Variants in GFRA2 observed in about 807,000 individuals in gnomAD.
GFRA2 encodes GDNF family receptor alpha-2.
A neutral mutation model predicts 48.3 loss-of-function variants in GFRA2; 17 were observed. That is an observed-to-expected ratio of 0.35 (90% confidence interval 0.24 to 0.53). The LOEUF (loss-of-function observed/expected upper bound fraction) is 0.53. Ranked by LOEUF, GFRA2 falls within the 20% of genes least tolerant of loss-of-function variation. The pLI is 0.93. For missense variants in GFRA2, 660 were observed against 637.3 expected (o/e 1.04, Z -0.38); for synonymous variants, 305 against 257.2 (o/e 1.19, Z -1.78).
At chr8:21,710,435 G>T (rs1205826307) in intron 4 of GFRA2, among the ~76,000 whole-genome samples, 1 of 152,184 alleles carries the variant, frequency 6.6e-6, no homozygotes, top group Non-Finnish European at 1.5e-5. Flanking sequence ...GTGGATCTCG[G>T]TCCCACACAG....
At chr8:21,760,858 A>G (rs908157746) in intron 3 of GFRA2, among the ~76,000 whole-genome samples, 9 of 152,230 alleles carry the variant, frequency 5.9e-5, no homozygotes, top group Non-Finnish European at 1.2e-4. Context: ...TGGTGGAAAA[A>G]TCAAGAGATG....
At chr8:21,754,584 C>A (rs1012598158) in intron 3 of GFRA2, among the ~76,000 whole-genome samples, 12 of 149,306 alleles carry the variant, frequency 8.0e-5, no homozygotes, top group Non-Finnish European at 1.8e-4. Context: ...TCGCGGCTCA[C>A]TGCAACCTCT....
chr8:21,707,099 G>C (rs1802786087), intron 4 of GFRA2, among the ~76,000 whole-genome samples: 1 of 152,202 alleles, frequency 6.6e-6, no homozygotes, highest in South Asian at 2.1e-4. Context: ...CAAATAGCTA[G>C]TAATAAGGTC....
chr8:21,704,241 T>C (rs1336921229), intron 6 of GFRA2, among the ~76,000 whole-genome samples: 1 of 152,204 alleles, frequency 6.6e-6, no homozygotes. Flanking sequence ...CACAGATACA[T>C]TCTCCAAGAA....
chr8:21,714,712 A>T (rs990369932), intron 4 of GFRA2, among the ~76,000 whole-genome samples: 1 of 152,166 alleles, frequency 6.6e-6, no homozygotes, highest in Admixed American at 6.5e-5. Flanking sequence ...ACGAAGTAGC[A>T]TATTTCACAA....
At chr8:21,807,925 T>C (rs1807902791) in intron 1 of GFRA2, among the ~76,000 whole-genome samples, 1 of 152,248 alleles carries the variant, frequency 6.6e-6, no homozygotes, top group Non-Finnish European at 1.5e-5. Flanking sequence ...GAAAAATTAC[T>C]ATGCAGATGC....
chr8:21,703,665 C>G lies in GFRA2; in HGVS notation c.1046-688G>C, dbSNP rs181116538. 1.9e-3 allele frequency among the ~76,000 whole-genome samples: 288 copies of G among 152,308 alleles called. 5 individuals are homozygous for G. The highest frequency in any genetic ancestry group is 5.4e-4 in the Non-Finnish European group (37 of 68,026). ...GGTATCATCTCTTATCTACCCTGGT[C>G]CCCCATGTCAGAATCCTGAGGGTCA... On this transcript the variant is annotated intron_variant, in intron 6 of 8. Transcript: ENST00000524240.
chr8:21,789,610 C>G (rs1216219620), upstream of GFRA2, among the ~76,000 whole-genome samples: 3 of 152,126 alleles, frequency 2.0e-5, no homozygotes, highest in African/African-American at 2.4e-5. Context: ...GCGCCGGCCC[C>G]GCGCGCCCCC....
intron 2 of GFRA2, chr8:21,779,843 C>A (rs1440138834): frequency 6.6e-6 from 1 of 152,188 alleles, no homozygotes; most frequent in Non-Finnish European, 1.5e-5. Context: ...TGGCTTCGCA[C>A]CTGCAGCCAC....
intron 4 of GFRA2, among the ~76,000 whole-genome samples, chr8:21,744,225 A>G (rs1226847065): frequency 1.3e-5 from 2 of 151,942 alleles, no homozygotes; most frequent in South Asian, 2.1e-4. Context: ...ACTCCTTCCC[A>G]CCCCCTGAGG....
At chr8:21,762,169 A>T (rs1805945382) in intron 3 of GFRA2, among the ~76,000 whole-genome samples, 1 of 152,058 alleles carries the variant, frequency 6.6e-6, no homozygotes, top group Non-Finnish European at 1.5e-5. Flanking sequence ...CTCCATCCCA[A>T]GCAAGATCTC....
chr8:21,700,333 G>A (rs566213577), intron 7 of GFRA2, among the ~76,000 whole-genome samples: 1 of 152,354 alleles, frequency 6.6e-6, no homozygotes, highest in Non-Finnish European at 1.5e-5. Context: ...CAGGGAGGCA[G>A]GGCTGCCCAG....
At chr8:21,752,966 C>A (rs367674340) in intron 3 of GFRA2, among the ~76,000 whole-genome samples, 1 of 152,152 alleles carries the variant, frequency 6.6e-6, no homozygotes. Flanking sequence ...CTGTTAAGAG[C>A]CTCCTTCTCC....
In GFRA2 at chr8:21,782,891, G is replaced by C. The variant is rs953837133; in HGVS notation, c.49C>G (p.Leu17Val). The C allele has an allele frequency of 5.8e-6, 9 of 1,555,846 alleles. No individual in the cohort carries two copies. In the East Asian group the frequency reaches 1.9e-4, roughly 33 times the overall value. ...FCLFFFLDET[L>V]RSLASPSSLQ... ...GAGGAAGGGCTGGCCAAAGAGCGGA[G>C]GGTCTCGTCTGGGTGGTGGGGAGGG... The change falls in exon 2 of 9, where the codon CTC (leucine) becomes GTC (valine). Residue 17 changes from leucine (L) to valine (V), a missense_variant. Physicochemically the swap from Leu to Val is conservative, Grantham distance 32. Coordinates refer to ENST00000524240, the MANE Select transcript of GFRA2 (RefSeq NM_001495.5).
intron 4 of GFRA2, among the ~76,000 whole-genome samples, chr8:21,722,866 G>A (rs1031208531): frequency 2.6e-5 from 4 of 152,248 alleles, no homozygotes; most frequent in Non-Finnish European, 4.4e-5. Context: ...CATGTAGGCA[G>A]TGCATGCACC....
At chr8:21,748,020 A>G (rs1374728763) in intron 4 of GFRA2, among the ~76,000 whole-genome samples, 1 of 152,008 alleles carries the variant, frequency 6.6e-6, no homozygotes, top group Non-Finnish European at 1.5e-5. Context: ...TCCAAGCCTT[A>G]TCACTTAAAC....
Position 21,693,371 on chromosome 8 carries a change from G to C in GFRA2, c.1302C>G (p.Asn434Lys), listed in dbSNP as rs538741073. The change falls in exon 9 of 9, where the codon AAC (asparagine) becomes AAG (lysine). Residue 434 changes from asparagine (N) to lysine (K), a missense_variant. By Grantham distance (94) the Asn-to-Lys change is moderately conservative. Coordinates refer to ENST00000524240, the MANE Select transcript of GFRA2 (RefSeq NM_001495.5). ...ELTTNIIPGS[N>K]KVIKPNSGPS... The stretch of plus-strand genomic sequence containing the variant: ...GGCCTGAGTTAGGTTTGATCACCTT[G>C]TTACTCCCTGGGATGATATTTGTCG... The C allele has an allele frequency of 5.4e-5, 87 of 1,612,796 alleles. 1 individual carries two copies. The South Asian group carries it at 9.5e-4, about 18-fold the overall frequency.
chr8:21,694,758 C>T lies in GFRA2; in HGVS notation c.1219-241G>A, dbSNP rs1036129212. 5.3e-5 allele frequency among the ~76,000 whole-genome samples: 8 copies of T among 152,230 alleles called. No individual in the cohort carries two copies. The East Asian group carries it at 9.6e-4, about 18-fold the overall frequency. On this transcript the variant is annotated intron_variant, in intron 7 of 8. Coordinates refer to ENST00000524240, the MANE Select transcript of GFRA2 (RefSeq NM_001495.5). ...GGAGAACAGAGTTCTAACTCTGCTC[C>T]CAACTAGCGGCATTATATAGTCATC...
intron 7 of GFRA2, among the ~76,000 whole-genome samples, chr8:21,696,982 G>C (rs1166430000): frequency 1.5e-5 from 2 of 131,292 alleles, no homozygotes; most frequent in Non-Finnish European, 3.3e-5. Flanking sequence ...ACAAAGGAGA[G>C]GGCAGGGGAG....
Sources: gnomAD v4.1 joint callset for allele counts (sites outside exome capture counted in the v4.1 genomes callset) on GRCh38, gnomAD v4.1.1 for gene constraint, MANE v1.5 for transcripts, NCBI Gene and HGNC (gene_info 2026-07-23, HGNC 2026-07-21) for gene names.